The following RBFOX1 variants were observed in gnomAD, a reference collection of about 807,000 sequenced individuals.
RBFOX1 encodes the protein RNA binding protein fox-1 homolog 1.
Under a neutral mutation model 57.7 loss-of-function variants are expected in RBFOX1, and 8 were observed. The observed-to-expected ratio is 0.14, with a 90% CI of 0.08 to 0.25. The LOEUF is 0.25. RBFOX1 is among the 10% of genes least tolerant of loss of function. RBFOX1 has a pLI of 1.00. For missense variants in RBFOX1, 611 were observed against 548.5 expected (o/e 1.11, Z -1.14); for synonymous variants, 326 against 222.4 (o/e 1.47, Z -4.15).
At chr16:5,586,198 A>G (rs1271819712) in intron 2 of RBFOX1, among the ~76,000 whole-genome samples, 1 of 152,174 alleles carries the variant, frequency 6.6e-6, no homozygotes, top group Non-Finnish European at 1.5e-5. Context: ...CAGAACTTCT[A>G]GAAGGAGCCA....
chr16:5,808,881 T>C (rs2055322385), intron 3 of RBFOX1, among the ~76,000 whole-genome samples: 1 of 152,150 alleles, frequency 6.6e-6, no homozygotes, highest in African/African-American at 2.4e-5. Context: ...ACAATTTGAC[T>C]CCCTGTTTTC....
intron 3 of RBFOX1, among the ~76,000 whole-genome samples, chr16:5,776,788 T>C (rs1405648321): frequency 6.6e-6 from 1 of 152,210 alleles, no homozygotes; most frequent in Non-Finnish European, 1.5e-5. Context: ...GGTATGAAGA[T>C]GTGTCTACTT....
chr16:6,936,543 A>T (rs1254442633), intron 3 of RBFOX1, among the ~76,000 whole-genome samples: 1 of 152,148 alleles, frequency 6.6e-6, no homozygotes, highest in Non-Finnish European at 1.5e-5. Context: ...GGAGGATATT[A>T]AGGGCTACAT....
At chr16:7,512,007 C>A (rs1600495843) in intron 4 of RBFOX1, among the ~76,000 whole-genome samples, 1 of 152,196 alleles carries the variant, frequency 6.6e-6, no homozygotes, top group East Asian at 1.9e-4. Flanking sequence ...GTGGGGAACA[C>A]TTGTGAGGCA....
At chr16:6,855,097 A>G (rs974893214) in intron 3 of RBFOX1, among the ~76,000 whole-genome samples, 1 of 152,040 alleles carries the variant, frequency 6.6e-6, no homozygotes, top group Non-Finnish European at 1.5e-5. Context: ...GAAGAGAAGG[A>G]TGCTATGTAG....
intron 4 of RBFOX1, among the ~76,000 whole-genome samples, chr16:7,444,247 C>G (rs2098791755): frequency 6.6e-6 from 1 of 152,154 alleles, no homozygotes; most frequent in Non-Finnish European, 1.5e-5. Flanking sequence ...TATGTTCTAA[C>G]CTGTTTCCTA....
intron 2 of RBFOX1, among the ~76,000 whole-genome samples, chr16:6,485,713 C>A (rs943535501): frequency 6.6e-6 from 1 of 152,168 alleles, no homozygotes; most frequent in Non-Finnish European, 1.5e-5. Context: ...AGAGCAGAAT[C>A]TTTTCTGTTA....
intron 2 of RBFOX1, among the ~76,000 whole-genome samples, chr16:5,522,392 T>A (rs566498580): frequency 1.4e-4 from 21 of 152,320 alleles, no homozygotes; most frequent in African/African-American, 4.3e-4. Flanking sequence ...AGCATCTGTT[T>A]AGGAAGCCAC....
intron 9 of RBFOX1, among the ~76,000 whole-genome samples, chr16:7,602,501 G>A (rs1264474266): frequency 6.6e-6 from 1 of 152,106 alleles, no homozygotes; most frequent in Non-Finnish European, 1.5e-5. Flanking sequence ...AAGGCCTGGG[G>A]ACATACACAA....
chr16:5,983,337 C>T (rs1007144376), intron 4 of RBFOX1, among the ~76,000 whole-genome samples: 1 of 152,230 alleles, frequency 6.6e-6, no homozygotes, highest in African/African-American at 2.4e-5. Context: ...TCCCTGACAG[C>T]TCCTGCACAT....
intron 3 of RBFOX1, among the ~76,000 whole-genome samples, chr16:5,642,788 C>T (rs1205749751): frequency 1.3e-5 from 2 of 152,104 alleles, no homozygotes; most frequent in East Asian, 3.9e-4. Context: ...GGTGTTCTCC[C>T]CTGATGTGTG....
chr16:6,342,426 A>G (rs185397807), intron 2 of RBFOX1, among the ~76,000 whole-genome samples: 76 of 152,294 alleles, frequency 5.0e-4, no homozygotes, highest in African/African-American at 1.8e-3. Flanking sequence ...ATGAATACAA[A>G]ACGTCAAGGT....
intron 2 of RBFOX1, among the ~76,000 whole-genome samples, chr16:6,322,898 A>G (rs2081974562): frequency 6.6e-6 from 1 of 152,128 alleles, no homozygotes; most frequent in Non-Finnish European, 1.5e-5. Context: ...ACTCATCTAG[A>G]TAATGCTCAT....
chr16:7,301,791 T>C (rs1341599391), intron 4 of RBFOX1, among the ~76,000 whole-genome samples: 1 of 152,094 alleles, frequency 6.6e-6, no homozygotes, highest in Non-Finnish European at 1.5e-5. Context: ...GTACAGCAGA[T>C]TGCTTGACGC....
At chr16:6,174,488 G>A (rs1159749466) in intron 1 of RBFOX1, among the ~76,000 whole-genome samples, 1 of 152,104 alleles carries the variant, frequency 6.6e-6, no homozygotes, top group African/African-American at 2.4e-5. Flanking sequence ...CCAACTATTG[G>A]GGAGGCTGAG....
At chr16:7,032,064 G>T (rs1045963801) in intron 3 of RBFOX1, among the ~76,000 whole-genome samples, 1 of 152,112 alleles carries the variant, frequency 6.6e-6, no homozygotes, top group Non-Finnish European at 1.5e-5. Context: ...CTTGGAAGCT[G>T]CCAGCAACTT....
intron 3 of RBFOX1, among the ~76,000 whole-genome samples, chr16:6,958,541 G>A (rs940997662): frequency 6.6e-6 from 1 of 152,134 alleles, no homozygotes; most frequent in Non-Finnish European, 1.5e-5. Context: ...CACATGGATT[G>A]TTTTAAAAAA....
intron 1 of RBFOX1, among the ~76,000 whole-genome samples, chr16:6,058,298 C>G (rs951431681): frequency 6.6e-6 from 1 of 151,330 alleles, no homozygotes; most frequent in African/African-American, 2.4e-5. Context: ...CCCTGCCTTC[C>G]TCCCTCCTCT....
chr16:6,531,357 G>C (rs1457071999), intron 2 of RBFOX1, among the ~76,000 whole-genome samples: 4 of 152,154 alleles, frequency 2.6e-5, no homozygotes, highest in Non-Finnish European at 5.9e-5. Flanking sequence ...CTTTGTGGGT[G>C]AGCTGAGGAG....
Sources: allele counts gnomAD v4.1 joint callset (sites outside exome capture counted in the v4.1 genomes callset), GRCh38; gene constraint gnomAD v4.1.1; transcripts MANE v1.5; gene names NCBI Gene and HGNC (gene_info 2026-07-23, HGNC 2026-07-21).